DSCAML1: variants seen among roughly 807,000 people sequenced by gnomAD.
The protein encoded by DSCAML1 is cell adhesion molecule DSCAML1.
In DSCAML1, 38 loss-of-function variants were observed where a neutral mutation model predicts 200.5. The ratio of observed to expected loss-of-function variants is 0.19; its 90% CI spans 0.15 to 0.25. The LOEUF is 0.25. Ranked by LOEUF, DSCAML1 falls within the 10% of genes least tolerant of loss-of-function variation. The pLI is 1.00. For synonymous variants in DSCAML1, 1,215 were observed against 1,165.0 expected (o/e 1.04, Z -0.87); for missense variants, 2,223 against 2,858.8 (o/e 0.78, Z 5.07).
At chr11:117,540,637 A>G (rs2050251027) in intron 3 of DSCAML1, among the ~76,000 whole-genome samples, 1 of 151,820 alleles carries the variant, frequency 6.6e-6, no homozygotes, top group Non-Finnish European at 1.5e-5. Flanking sequence ...TGGGATTTGA[A>G]CAATGAAATC....
Position 117,435,840 on chromosome 11 carries a change from G to A in DSCAML1, c.4721-41C>T, listed in dbSNP as rs139531757. ...GAATAGAATTAGATGTCCCTTATGA[G>A]CCAGGTGCTGTGCAGAACATCTCAT... On this transcript the variant is annotated intron_variant, in intron 26 of 32. Transcript: ENST00000651296. 548 of 1,578,774 alleles carry A rather than the reference G, an allele frequency of 3.5e-4. 2 individuals carry two copies. The African/African-American group carries it at 6.3e-3, about 18-fold the overall frequency.
chr11:117,623,064 AT>A (rs1200564962), intron 3 of DSCAML1, among the ~76,000 whole-genome samples: 1 of 152,088 alleles, frequency 6.6e-6, no homozygotes, highest in African/African-American at 2.4e-5. Context: ...GTTATTTAAT[AT>A]CTCAAAGTCC....
At chr11:117,794,159 G>A (rs1255181866) in intron 1 of DSCAML1, among the ~76,000 whole-genome samples, 2 of 152,038 alleles carry the variant, frequency 1.3e-5, no homozygotes, top group Non-Finnish European at 2.9e-5. Context: ...GAGAAGTTGG[G>A]GTGGGAAATG....
chr11:117,573,910 C>T (rs949596563), intron 3 of DSCAML1, among the ~76,000 whole-genome samples: 2 of 152,236 alleles, frequency 1.3e-5, no homozygotes, highest in African/African-American at 2.4e-5. Context: ...ACTGCCTCCT[C>T]CCTCTGCTGC....
intron 24 of DSCAML1, among the ~76,000 whole-genome samples, chr11:117,438,416 G>A (rs1464177810): frequency 6.6e-6 from 1 of 152,112 alleles, no homozygotes; most frequent in Non-Finnish European, 1.5e-5. Context: ...AAGGGGTCCT[G>A]TCTAGATCTT....
intron 3 of DSCAML1, among the ~76,000 whole-genome samples, chr11:117,600,280 C>T (rs1227114486): frequency 6.6e-6 from 1 of 152,178 alleles, no homozygotes; most frequent in African/African-American, 2.4e-5. Flanking sequence ...TTGCCTTGCT[C>T]TCTGCAACAC....
intron 3 of DSCAML1, among the ~76,000 whole-genome samples, chr11:117,719,400 C>T (rs895028675): frequency 2.6e-5 from 4 of 152,300 alleles, no homozygotes; most frequent in Middle Eastern, 3.4e-3. Context: ...GCCGAGATTG[C>T]GCCACTGTAC....
intron 3 of DSCAML1, among the ~76,000 whole-genome samples, chr11:117,577,556 CTCCT>C (rs2050968702): frequency 7.5e-6 from 1 of 132,966 alleles, no homozygotes; most frequent in Non-Finnish European, 1.6e-5. Flanking sequence ...CCCTCCCTCC[CTCCT>C]TCCTTCTTTC....
chr11:117,597,467 G>A (rs2051384388), intron 3 of DSCAML1, among the ~76,000 whole-genome samples: 1 of 152,266 alleles, frequency 6.6e-6, no homozygotes. Context: ...TGTCTTTTTC[G>A]AGACGGAGTC....
At chr11:117,452,672 TC>T (rs1260943923) in intron 19 of DSCAML1, among the ~76,000 whole-genome samples, 2 of 152,194 alleles carry the variant, frequency 1.3e-5, no homozygotes, top group African/African-American at 4.8e-5. Flanking sequence ...ATCTATCCTA[TC>T]CCCATTTTTC....
At chr11:117,527,950 C>T (rs957722827) in intron 4 of DSCAML1, among the ~76,000 whole-genome samples, 4 of 152,186 alleles carry the variant, frequency 2.6e-5, no homozygotes, top group Admixed American at 2.6e-4. Flanking sequence ...AGCCCTGTGA[C>T]CTTGGGCAAG....
rs141012695 is a variant in DSCAML1 at position 117,436,657 on chromosome 11, G to C, written c.4720+465C>G. ...AAAAGATGGTGGCCACTCAACCCTC[G>C]CAGGACTCCAAGAGAGCAAGAAACA... On this transcript the variant is annotated intron_variant, in intron 26 of 32. Transcript: ENST00000651296. 5.9e-5 allele frequency among the ~76,000 whole-genome samples: 9 copies of C among 152,132 alleles called. No homozygotes were observed. The East Asian group carries it at 1.7e-3, about 30-fold the overall frequency.
chr11:117,646,608 A>C (rs2052526972), intron 3 of DSCAML1, among the ~76,000 whole-genome samples: 1 of 152,238 alleles, frequency 6.6e-6, no homozygotes. Context: ...GGAGTCCCTC[A>C]GACCAGCTCA....
chr11:117,725,556 G>C (rs936107597), intron 3 of DSCAML1, among the ~76,000 whole-genome samples: 4 of 152,140 alleles, frequency 2.6e-5, no homozygotes, highest in South Asian at 2.1e-4. Flanking sequence ...TCCGCTCCCT[G>C]TCCGATCCGC....
At chr11:117,705,319 T>C (rs1423857379) in intron 3 of DSCAML1, among the ~76,000 whole-genome samples, 1 of 152,244 alleles carries the variant, frequency 6.6e-6, no homozygotes. Context: ...TGAAAGCCGA[T>C]GTACTCTAAG....
chr11:117,510,561 C>A (rs1030907428), intron 8 of DSCAML1, among the ~76,000 whole-genome samples: 2 of 152,130 alleles, frequency 1.3e-5, no homozygotes, highest in Non-Finnish European at 2.9e-5. Context: ...AAATTGCAAA[C>A]CCCGTCTCCT....
At chr11:117,575,209 CAG>C (rs1387470637) in intron 3 of DSCAML1, among the ~76,000 whole-genome samples, 2 of 152,020 alleles carry the variant, frequency 1.3e-5, no homozygotes, top group African/African-American at 4.8e-5. Flanking sequence ...AAAAACAGAA[CAG>C]AAGTCCTGTG....
chr11:117,773,725 CT>C (rs1376666741), intron 3 of DSCAML1, among the ~76,000 whole-genome samples: 1 of 152,196 alleles, frequency 6.6e-6, no homozygotes, highest in Non-Finnish European at 1.5e-5. Context: ...CAAAACTCCA[CT>C]CTCTCTGGCT....
chr11:117,656,690 G>T lies in DSCAML1; in HGVS notation c.511+120101C>A, dbSNP rs547382902. On this transcript the variant is annotated intron_variant, in intron 3 of 32. Transcript: ENST00000651296. Reference sequence around the variant, plus strand: ...AGGACACAAAACTGAGTTAGTAGGGGTGCTGGGATTTGAAGATAGACTCCA... The same window carrying T: ...AGGACACAAAACTGAGTTAGTAGGGTTGCTGGGATTTGAAGATAGACTCCA... Among the ~76,000 whole-genome samples, 9 of 152,326 alleles carry T rather than the reference G, an allele frequency of 5.9e-5. No homozygotes were observed. The South Asian group carries it at 1.9e-3, about 32-fold the overall frequency.
Sources: allele counts gnomAD v4.1 joint callset (sites outside exome capture counted in the v4.1 genomes callset), GRCh38; gene constraint gnomAD v4.1.1; transcripts MANE v1.5; gene names NCBI Gene and HGNC (gene_info 2026-07-23, HGNC 2026-07-21).